The following GRIA2 variants were observed in gnomAD, a reference collection of about 807,000 sequenced individuals.
GRIA2 encodes glutamate receptor 2.
A neutral mutation model predicts 97.3 loss-of-function variants in GRIA2; 14 were observed. That is an observed-to-expected ratio of 0.14 (90% CI 0.10 to 0.23). The LOEUF (loss-of-function observed/expected upper bound fraction) is 0.23, where lower values mean the gene tolerates loss of function less well. GRIA2 is among the 10% of genes least tolerant of loss of function. The pLI, the probability that GRIA2 is intolerant of heterozygous loss-of-function variation, is 1.00. For missense variants in GRIA2, 558 were observed against 1,069.8 expected (o/e 0.52, Z 6.67); for synonymous variants, 412 against 387.8 (o/e 1.06, Z -0.73).
At chr4:157,335,017 A>G (rs1290359882) in intron 9 of GRIA2, 2 of 152,128 alleles carry the variant, frequency 1.3e-5, no homozygotes, top group Non-Finnish European at 2.9e-5. Context: ...TCCAATGGAG[A>G]ATATTGGACT....
At chr4:157,230,961 C>T (rs945560774) in intron 2 of GRIA2, among the ~76,000 whole-genome samples, 1 of 152,130 alleles carries the variant, frequency 6.6e-6, no homozygotes, top group Non-Finnish European at 1.5e-5. Context: ...TCAAGCAATT[C>T]TCCTGCCTCA....
chr4:157,337,383 A>G (rs1735333643), intron 11 of GRIA2, among the ~76,000 whole-genome samples: 1 of 152,000 alleles, frequency 6.6e-6, no homozygotes, highest in Admixed American at 6.6e-5. Flanking sequence ...CTTTAATCTC[A>G]TTATGATATG....
At chr4:157,363,118 T>G in intron 15 of GRIA2, 71 bp downstream of exon 15, 1 of 1,458,934 alleles carries the variant, frequency 6.9e-7, no homozygotes, top group East Asian at 2.3e-5. Context: ...TAAGCTCTTT[T>G]AAATAAGGAA....
chr4:157,312,595 A>G, intron 3 of GRIA2, 84 bp from the exon 4 acceptor site: 1 of 748,012 alleles, frequency 1.3e-6, no homozygotes, highest in Non-Finnish European at 2.1e-6. Context: ...TCTTCCTTAA[A>G]AATATATTCA....
At chr4:157,342,775 A>C (rs962886512) in intron 12 of GRIA2, among the ~76,000 whole-genome samples, 5 of 152,140 alleles carry the variant, frequency 3.3e-5, no homozygotes, top group South Asian at 4.1e-4. Context: ...GATGCCTGTT[A>C]TAACAGGATT....
chr4:157,313,370 T>TA lies in GRIA2; in HGVS notation c.666+501dup, dbSNP rs1314053840. On this transcript the variant is annotated intron_variant, in intron 4 of 15. Coordinates refer to ENST00000264426, the MANE Select transcript of GRIA2 (RefSeq NM_001083619.3). ...TTCTGTTAAGGGACTTGTGCCACTA[T>TA]AAAAAACATTGATTTGTGAAATTAA... Among the ~76,000 whole-genome samples, 19 of 152,228 alleles carry TA rather than the reference T, an allele frequency of 1.2e-4. No homozygotes were observed. The South Asian group carries it at 3.5e-3, about 28-fold the overall frequency.
intron 2 of GRIA2, among the ~76,000 whole-genome samples, chr4:157,278,982 T>C (rs1480089622): frequency 6.6e-6 from 1 of 152,082 alleles, no homozygotes; most frequent in Non-Finnish European, 1.5e-5. Context: ...TATGATGCAA[T>C]AGAAACTCCC....
Position 157,360,018 on chromosome 4 carries a change from C to G in GRIA2, c.2166C>G (p.Ala722=), listed in dbSNP as rs1425800340. The change falls in exon 13 of 16, where the codon GCC becomes GCG. Residue 722 remains alanine, a synonymous_variant. Coordinates refer to ENST00000264426, the MANE Select transcript of GRIA2 (RefSeq NM_001083619.3). ...ARVRKSKGKY[A]YLLESTMNEY... ...TGCGGAAGTCCAAAGGGAAATATGC[C>G]TACTTGTTGGAGTCCACGATGAACG... 3 of 1,613,938 alleles carry G rather than the reference C, an allele frequency of 1.9e-6. No individual in the cohort carries two copies. The highest frequency in any genetic ancestry group is 1.7e-5 in the Admixed American group (1 of 59,978).
At chr4:157,349,337 G>C (rs1257535636) in intron 12 of GRIA2, among the ~76,000 whole-genome samples, 1 of 151,704 alleles carries the variant, frequency 6.6e-6, no homozygotes, top group African/African-American at 2.4e-5. Flanking sequence ...CTGCGTTCCA[G>C]GGTTTTTGTA....
At chr4:157,261,516 A>T (rs1160439727) in intron 2 of GRIA2, among the ~76,000 whole-genome samples, 1 of 152,150 alleles carries the variant, frequency 6.6e-6, no homozygotes, top group Non-Finnish European at 1.5e-5. Flanking sequence ...AAAAATAACC[A>T]GACTCAGAAA....
chr4:157,287,323 T>A (rs1209830859), intron 2 of GRIA2, among the ~76,000 whole-genome samples: 1 of 151,806 alleles, frequency 6.6e-6, no homozygotes, highest in African/African-American at 2.4e-5. Context: ...ACTTAAAATA[T>A]TTTACATTGT....
At chr4:157,290,467 T>C (rs1429579847) in intron 2 of GRIA2, among the ~76,000 whole-genome samples, 1 of 150,544 alleles carries the variant, frequency 6.6e-6, no homozygotes, top group African/African-American at 2.4e-5. Flanking sequence ...AGATTCGTAT[T>C]CAAAAACTCC....
chr4:157,243,970 C>T (rs559059356), intron 2 of GRIA2, among the ~76,000 whole-genome samples: 1 of 151,910 alleles, frequency 6.6e-6, no homozygotes, highest in South Asian at 2.1e-4. Context: ...TTGAGAAATG[C>T]ACTTTAAAGG....
intron 3 of GRIA2, among the ~76,000 whole-genome samples, chr4:157,307,759 C>T (rs1733905293): frequency 6.6e-6 from 1 of 152,142 alleles, no homozygotes; most frequent in African/African-American, 2.4e-5. Context: ...AGAATTAGCA[C>T]TTTATATCTG....
chr4:157,303,400 T>C, intron 2 of GRIA2, 152 bp from the exon 3 acceptor site: 1 of 657,226 alleles, frequency 1.5e-6, no homozygotes, highest in South Asian at 2.0e-5. Flanking sequence ...AGTAAATAAG[T>C]GTTAATAAAT....
At chr4:157,307,881 AT>A (rs1339203124) in intron 3 of GRIA2, among the ~76,000 whole-genome samples, 1 of 152,202 alleles carries the variant, frequency 6.6e-6, no homozygotes, top group Non-Finnish European at 1.5e-5. Flanking sequence ...TCAAATTATA[AT>A]TTTTTCCCTC....
chr4:157,309,704 A>C (rs970956743), intron 3 of GRIA2, among the ~76,000 whole-genome samples: 3 of 152,210 alleles, frequency 2.0e-5, no homozygotes, highest in Admixed American at 2.0e-4. Flanking sequence ...TTTTAGATTT[A>C]GGATTTCCAC....
At chr4:157,355,875 T>TTA (rs1288360039) in intron 12 of GRIA2, among the ~76,000 whole-genome samples, 7 of 53,118 alleles carry the variant, frequency 1.3e-4, no homozygotes, top group Non-Finnish European at 2.2e-4. Context: ...ATTAACATAT[T>TTA]TATATATATT....
intron 5 of GRIA2, among the ~76,000 whole-genome samples, chr4:157,321,011 A>C (rs1380883890): frequency 6.6e-6 from 1 of 152,162 alleles, no homozygotes; most frequent in Non-Finnish European, 1.5e-5. Context: ...TGAGTGAAGA[A>C]GTAATTCAAA....
Sources: allele counts gnomAD v4.1 joint callset (sites outside exome capture counted in the v4.1 genomes callset), GRCh38; gene constraint gnomAD v4.1.1; transcripts MANE v1.5; gene names NCBI Gene and HGNC (gene_info 2026-07-23, HGNC 2026-07-21).